Variants in ADORA2B observed in about 807,000 individuals in gnomAD.
ADORA2B encodes adenosine receptor A2b.
ADORA2B carries 18 observed loss-of-function variants against 20.8 expected under a neutral mutation model. The observed-to-expected ratio is 0.87, with a 90% CI of 0.60 to 1.29. The LOEUF is 1.29. Ranked by LOEUF, ADORA2B falls within the 50% of genes most tolerant of loss-of-function variation. The pLI, the probability that ADORA2B is intolerant of heterozygous loss-of-function variation, is 0.00. For synonymous variants in ADORA2B, 179 were observed against 178.3 expected (o/e 1.00, Z -0.03); for missense variants, 441 against 422.7 (o/e 1.04, Z -0.38).
chr17:15,908,518 TC>T, the ADORA2B span: 14 of 163,900 alleles, frequency 8.5e-5, no homozygotes, highest in Middle Eastern at 5.2e-4. Context: ...TTGTGCTCTG[TC>T]CCCCATGCAC....
Position 15,945,560 on chromosome 17 carries a change from C to G in ADORA2B, c.312C>G (p.Tyr104Ter), listed in dbSNP as rs150319645. Residue 104 changes from tyrosine (Y) to a stop codon, truncating the protein, a stop_gained, in exon 1 of 2, where the codon TAC becomes TAG. Coordinates refer to ENST00000304222, the MANE Select transcript of ADORA2B (RefSeq NM_000676.4). LOFTEE classifies it high-confidence loss of function. Reference protein sequence around the residue: ...FSLLAVAVDRYLAICVPLRYK... With the variant: ...FSLLAVAVDR ...TTCTGGCCGTGGCAGTCGACAGATA[C>G]CTGGCCATCTGTGTCCCGCTCAGGT... 5.1e-6 allele frequency: 8 copies of G among 1,572,242 alleles called. No homozygotes were observed. In the African/African-American group the frequency reaches 6.7e-5, roughly 13 times the overall value.
chr17:15,872,975 GT>G, the ADORA2B span, among the ~76,000 whole-genome samples: 1 of 152,158 alleles, frequency 6.6e-6, no homozygotes, highest in Non-Finnish European at 1.5e-5. Context: ...TCATTGTCTT[GT>G]TCCTGTTCTC....
the ADORA2B span, among the ~76,000 whole-genome samples, chr17:15,892,035 AC>A: frequency 9.0e-6 from 1 of 111,510 alleles, no homozygotes; most frequent in Admixed American, 9.3e-5. Flanking sequence ...TTTTTTTTGT[AC>A]TTTTAGTAGA....
the ADORA2B span, among the ~76,000 whole-genome samples, chr17:15,879,211 G>A: frequency 6.6e-6 from 1 of 152,252 alleles, no homozygotes; most frequent in Middle Eastern, 3.4e-3. Flanking sequence ...AGGGCTTTAG[G>A]AGGCCAAGGT....
the ADORA2B span, among the ~76,000 whole-genome samples, chr17:15,927,512 T>A: frequency 6.6e-6 from 1 of 150,756 alleles, no homozygotes; most frequent in African/African-American, 2.4e-5. Flanking sequence ...CTGGGTGTGG[T>A]GGCGGGTGCC....
intron 1 of ADORA2B, among the ~76,000 whole-genome samples, chr17:15,970,964 G>T (rs1412149611): frequency 6.6e-6 from 1 of 152,194 alleles, no homozygotes; most frequent in East Asian, 1.9e-4. Flanking sequence ...CTTCATCAGG[G>T]AGTAAAATCT....
chr17:15,920,444 C>T, the ADORA2B span, among the ~76,000 whole-genome samples: 1 of 152,184 alleles, frequency 6.6e-6, no homozygotes, highest in South Asian at 2.1e-4. Context: ...ACTTTCAGGC[C>T]AGCCACAGTG....
chr17:15,928,039 A>G, the ADORA2B span, among the ~76,000 whole-genome samples: 1 of 151,780 alleles, frequency 6.6e-6, no homozygotes, highest in Non-Finnish European at 1.5e-5. Context: ...TGATCTCCTG[A>G]CCTCGTGATC....
At chr17:15,962,213 G>T (rs1168101939) in intron 1 of ADORA2B, among the ~76,000 whole-genome samples, 1 of 152,142 alleles carries the variant, frequency 6.6e-6, no homozygotes, top group East Asian at 1.9e-4. Flanking sequence ...TGAGGCAGGA[G>T]AATTGCTTGA....
the ADORA2B span, among the ~76,000 whole-genome samples, chr17:15,901,986 T>C: frequency 2.0e-5 from 3 of 152,110 alleles, no homozygotes; most frequent in African/African-American, 7.2e-5. Flanking sequence ...GCACTCTTCA[T>C]CTTCTCAAAC....
intron 1 of ADORA2B, among the ~76,000 whole-genome samples, chr17:15,948,268 C>T (rs1441627931): frequency 3.6e-4 from 4 of 11,226 alleles, no homozygotes; most frequent in Non-Finnish European, 2.3e-3. Flanking sequence ...GGAGGGGAGC[C>T]GGAGGGAATG....
chr17:15,887,180 G>A, the ADORA2B span, among the ~76,000 whole-genome samples: 21 of 130,314 alleles, frequency 1.6e-4, 5 homozygotes, highest in Non-Finnish European at 1.6e-4. Flanking sequence ...TCTCTGGGAC[G>A]CAGCCGTCCT....
chr17:15,940,153 A>G (rs1012127371), upstream of ADORA2B, among the ~76,000 whole-genome samples: 2 of 152,250 alleles, frequency 1.3e-5, no homozygotes, highest in Admixed American at 1.3e-4. Flanking sequence ...AGTACAGAAT[A>G]AATAGAAAGC....
At chr17:15,913,683 A>G in the ADORA2B span, among the ~76,000 whole-genome samples, 6 of 152,162 alleles carry the variant, frequency 3.9e-5, no homozygotes, top group East Asian at 1.9e-4. Flanking sequence ...AACCTTACCA[A>G]CATTTTTCTA....
At chr17:15,897,154 A>G in the ADORA2B span, among the ~76,000 whole-genome samples, 3 of 152,224 alleles carry the variant, frequency 2.0e-5, no homozygotes, top group African/African-American at 7.2e-5. Flanking sequence ...TTCCAGAATG[A>G]TGAAAGACAA....
intron 1 of ADORA2B, among the ~76,000 whole-genome samples, chr17:15,963,444 C>T (rs1368723246): frequency 1.3e-5 from 2 of 152,178 alleles, no homozygotes; most frequent in Non-Finnish European, 2.9e-5. Flanking sequence ...ATGCTTTTGA[C>T]AGTTAATGTC....
chr17:15,866,128 G>A, the ADORA2B span, among the ~76,000 whole-genome samples: 95 of 152,236 alleles, frequency 6.2e-4, no homozygotes, highest in African/African-American at 2.1e-3. Flanking sequence ...TGTTCTTGTC[G>A]ATGTCTCTTG....
At chr17:15,944,647 G>C (rs1040529772), upstream of ADORA2B, among the ~76,000 whole-genome samples, 2 of 151,844 alleles carry the variant, frequency 1.3e-5, no homozygotes, top group African/African-American at 4.8e-5. This position sits in a 1 kb window ranked among gnomAD's most constrained non-coding sequence, Gnocchi z 4.8. Context: ...TGCGCTGCCC[G>C]AGACTGCTGC....
At chr17:15,926,436 G>A in the ADORA2B span, among the ~76,000 whole-genome samples, 1 of 152,028 alleles carries the variant, frequency 6.6e-6, no homozygotes, top group African/African-American at 2.4e-5. Context: ...TGGGTGACAC[G>A]ATATGAGCAG....
Sources: allele counts gnomAD v4.1 joint callset (sites outside exome capture counted in the v4.1 genomes callset), GRCh38; gene constraint gnomAD v4.1.1; non-coding constraint Gnocchi (gnomAD v3.1); transcripts MANE v1.5; gene names NCBI Gene and HGNC (gene_info 2026-07-23, HGNC 2026-07-21).